The following STYX variants were observed in gnomAD, a reference collection of about 807,000 sequenced individuals.
STYX encodes serine/threonine/tyrosine-interacting protein.
In STYX, 20 loss-of-function variants were observed where a neutral mutation model predicts 42.7. The observed-to-expected ratio is 0.47, with a 90% CI of 0.33 to 0.68. The LOEUF (loss-of-function observed/expected upper bound fraction) is 0.68. Among genes scored for constraint, STYX ranks in the 30% least tolerant of loss-of-function variants. The pLI is 0.02. For missense variants in STYX, 226 were observed against 268.5 expected (o/e 0.84, Z 1.11); for synonymous variants, 78 against 81.9 (o/e 0.95, Z 0.26).
In STYX at chr14:52,744,867, A is replaced by C; in HGVS notation, c.73A>C (p.Met25Leu). ...TCCTTCCCAGGAGTGGACCTACCCT[A>C]TGAGACGAGAGATGCAGGTATGGCA... ...KEDAEEWTYP[M>L]RREMQEILPG... The change falls in exon 2 of 11, where the codon ATG becomes CTG. Residue 25 changes from methionine (M) to leucine (L), a missense_variant. By Grantham distance (15) the Met-to-Leu change is conservative (BLOSUM62 2). Coordinates refer to ENST00000354586, the MANE Select transcript of STYX (RefSeq NM_145251.4). The C allele has an allele frequency of 6.2e-7, 1 of 1,613,418 alleles. No individual in the cohort carries two copies. Among genetic ancestry groups the C allele is most frequent in the Non-Finnish European group, 8.5e-7 (1 of 1,179,768 alleles).
At chr14:52,747,789 C>T (rs1022845941) in intron 3 of STYX, among the ~76,000 whole-genome samples, 1 of 152,070 alleles carries the variant, frequency 6.6e-6, no homozygotes, top group Non-Finnish European at 1.5e-5. Context: ...GCCAGGAGTT[C>T]GAGACCAGCC....
chr14:52,763,905 T>C (rs1333148712), intron 9 of STYX, among the ~76,000 whole-genome samples: 1 of 152,238 alleles, frequency 6.6e-6, no homozygotes, highest in African/African-American at 2.4e-5. Context: ...TTTTTGGTTC[T>C]GCAAGTTTTT....
chr14:52,740,909 C>T (rs561464045), intron 1 of STYX, among the ~76,000 whole-genome samples: 1 of 152,286 alleles, frequency 6.6e-6, no homozygotes, highest in Non-Finnish European at 1.5e-5. Flanking sequence ...CAGGCATTTC[C>T]TCTCCCATTC....
At chr14:52,734,612 CA>C (rs1214641802) in intron 1 of STYX, among the ~76,000 whole-genome samples, 1 of 152,152 alleles carries the variant, frequency 6.6e-6, no homozygotes. Context: ...CCATGTATTT[CA>C]TATTATATCA....
intron 4 of STYX, among the ~76,000 whole-genome samples, chr14:52,753,285 T>C (rs1337839549): frequency 6.6e-6 from 1 of 151,802 alleles, no homozygotes; most frequent in Non-Finnish European, 1.5e-5. Flanking sequence ...ACTCCTGACC[T>C]CTTGATCCAC....
chr14:52,750,863 C>A, intron 4 of STYX, 83 bp downstream of exon 4: 2 of 907,924 alleles, frequency 2.2e-6, no homozygotes, highest in Non-Finnish European at 3.3e-6. Flanking sequence ...CTGTACATAT[C>A]TAGTTTGTAA....
chr14:52,739,799 C>T (rs1257359696), intron 1 of STYX, among the ~76,000 whole-genome samples: 5 of 151,568 alleles, frequency 3.3e-5, no homozygotes, highest in East Asian at 3.9e-4. Flanking sequence ...GCACCACCAC[C>T]GCACCTGGCT....
intron 3 of STYX, among the ~76,000 whole-genome samples, chr14:52,749,512 C>G (rs1485994582): frequency 6.6e-6 from 1 of 152,112 alleles, no homozygotes; most frequent in Non-Finnish European, 1.5e-5. Context: ...CTTGTTAGTT[C>G]ATTTATTGAA....
intron 5 of STYX, 64 bp downstream of exon 5, chr14:52,756,675 CTTTTTTTT>C (rs748826005): frequency 1.9e-3 from 138 of 71,846 alleles, no homozygotes; most frequent in South Asian, 8.2e-3. Context: ...CTTAGTTGTG[CTTTTTTTT>C]TTTTTTTTTT....
chr14:52,753,407 G>A (rs888466258), intron 4 of STYX, among the ~76,000 whole-genome samples: 8 of 151,756 alleles, frequency 5.3e-5, no homozygotes, highest in Non-Finnish European at 1.0e-4. Flanking sequence ...GGCTGGTCTC[G>A]AACTCCTGAC....
chr14:52,730,173 G>C lies in STYX; in HGVS notation c.-302G>C, dbSNP rs1485195245. Reference sequence around the variant, plus strand: ...GGAAGGAGGCGGGGAGACGGTTGTCGGGCTGGTTCCTGTGCTGGATCCTGG... The same window carrying C: ...GGAAGGAGGCGGGGAGACGGTTGTCCGGCTGGTTCCTGTGCTGGATCCTGG... On this transcript the variant is annotated 5_prime_UTR_variant, in exon 1 of 11. Transcript: ENST00000354586. 6.8e-6 allele frequency: 3 copies of C among 439,794 alleles called. No homozygotes were observed. Among genetic ancestry groups the C allele is most frequent in the East Asian group, 3.5e-5 (1 of 28,448 alleles). 27.2% of individuals were successfully genotyped at this position (439,794 alleles called of 1,614,324 possible). A position where few individuals can be genotyped will look rare whatever the true frequency, so the allele number is the denominator to read the frequency against.
At chr14:52,752,638 TC>T (rs2139907989) in intron 4 of STYX, among the ~76,000 whole-genome samples, 1 of 152,234 alleles carries the variant, frequency 6.6e-6, no homozygotes, top group Admixed American at 6.5e-5. Context: ...TGGGATGATC[TC>T]CAAGATAATG....
chr14:52,761,522 G>C (rs1283999391), intron 9 of STYX, among the ~76,000 whole-genome samples: 1 of 149,806 alleles, frequency 6.7e-6, no homozygotes, highest in Non-Finnish European at 1.5e-5. Flanking sequence ...CTATTCCTCC[G>C]AGTGCCTATT....
chr14:52,770,915 C>A, intron 10 of STYX, 118 bp from the exon 11 acceptor site: 1 of 623,704 alleles, frequency 1.6e-6, no homozygotes, highest in South Asian at 3.7e-5. Flanking sequence ...TTTGCTATAT[C>A]AGTTGTGGAA....
At chr14:52,763,466 A>G (rs1882179859) in intron 9 of STYX, among the ~76,000 whole-genome samples, 2 of 152,090 alleles carry the variant, frequency 1.3e-5, no homozygotes, top group Admixed American at 1.3e-4. Flanking sequence ...TTATTCTTTC[A>G]AAAATTCAAG....
At chr14:52,759,526 C>T (rs1053379682) in intron 8 of STYX, among the ~76,000 whole-genome samples, 156 bp from the exon 9 acceptor site, 4 of 152,074 alleles carry the variant, frequency 2.6e-5, no homozygotes, top group African/African-American at 4.8e-5. Flanking sequence ...AGCAAGCTGC[C>T]GTAAGCATAT....
chr14:52,739,126 C>CT lies in STYX; in HGVS notation c.58-5714dup, dbSNP rs1190361955. Among the ~76,000 whole-genome samples, 941 of 145,296 alleles carry CT rather than the reference C, an allele frequency of 6.5e-3. 12 individuals are homozygous for CT. The highest frequency in any genetic ancestry group is 0.021 in the African/African-American group (830 of 39,922). Reference sequence around the variant, plus strand: ...TGGTATACACTTTTTAAAAATACCACTTTTTTTTTTTTGGTATACACTTTT... The same window carrying CT: ...TGGTATACACTTTTTAAAAATACCACTTTTTTTTTTTTTGGTATACACTTTT... On this transcript the variant is annotated intron_variant, in intron 1 of 10. Coordinates refer to ENST00000354586, the MANE Select transcript of STYX (RefSeq NM_145251.4).
intron 1 of STYX, among the ~76,000 whole-genome samples, chr14:52,737,402 C>T (rs7151306): frequency 0.51 from 76,953 of 151,972 alleles, 19,572 homozygotes; most frequent in Middle Eastern, 0.59. Context: ...TCATGTTGAT[C>T]GAAAGATTTT....
chr14:52,768,807 ATAAT>A, intron 9 of STYX, 29 bp from the exon 10 acceptor site: 2 of 1,451,248 alleles, frequency 1.4e-6, no homozygotes, highest in Non-Finnish European at 1.9e-6. Context: ...ATGTAAATAT[ATAAT>A]TAAGTTAATT....
Sources: allele counts gnomAD v4.1 joint callset (sites outside exome capture counted in the v4.1 genomes callset), GRCh38; gene constraint gnomAD v4.1.1; transcripts MANE v1.5; gene names NCBI Gene and HGNC (gene_info 2026-07-23, HGNC 2026-07-21).